Variants in DIP2C observed in about 807,000 individuals in gnomAD.
DIP2C encodes DIP2 acetate--CoA ligase C (putative).
DIP2C carries 33 observed loss-of-function variants against 192.4 expected under a neutral mutation model. The ratio of observed to expected loss-of-function variants is 0.17; its 90% confidence interval spans 0.13 to 0.23. DIP2C has a LOEUF of 0.23. DIP2C is among the 10% of genes least tolerant of loss of function. The pLI is 1.00. For missense variants in DIP2C, 1,537 were observed against 2,110.1 expected, an observed-to-expected ratio of 0.73 and a Z score of 5.32; for synonymous variants, 979 against 864.1, an observed-to-expected ratio of 1.13 and a Z score of -2.33.
intron 2 of DIP2C, among the ~76,000 whole-genome samples, chr10:473,753 T>G (rs1036493502): frequency 2.0e-5 from 3 of 152,254 alleles, no homozygotes; most frequent in African/African-American, 7.2e-5. Context: ...ATCAGTAATA[T>G]CTGATTGAAA....
chr10:633,247 G>A (rs1854629888), intron 1 of DIP2C, among the ~76,000 whole-genome samples: 1 of 152,234 alleles, frequency 6.6e-6, no homozygotes, highest in African/African-American at 2.4e-5. Flanking sequence ...TTACTTCACT[G>A]TTCTCTGTAC....
In DIP2C at chr10:297,909, A is replaced by G. The variant is rs558176199; in HGVS notation, c.3987-9488T>C. Among the ~76,000 whole-genome samples the G allele has an allele frequency of 1.3e-3, 199 of 152,352 alleles. 1 individual carries two copies. The highest frequency in any genetic ancestry group is 6.8e-3 in the Middle Eastern group (2 of 294). On this transcript the variant is annotated intron_variant, in intron 32 of 36. Coordinates refer to ENST00000280886, the MANE Select transcript of DIP2C (RefSeq NM_014974.3). ...AAACATATACCCTATGAGTTGCACA[A>G]TTATGTGTTAATTTTATAAAAAGTT...
At chr10:381,844 A>G (rs995987923) in intron 17 of DIP2C, among the ~76,000 whole-genome samples, 3 of 152,154 alleles carry the variant, frequency 2.0e-5, no homozygotes, top group African/African-American at 4.8e-5. Flanking sequence ...TGCCGTGGAC[A>G]TGCTGCCCCA....
intron 1 of DIP2C, among the ~76,000 whole-genome samples, chr10:505,459 G>A (rs1845531696): frequency 1.3e-5 from 2 of 152,172 alleles, no homozygotes; most frequent in Admixed American, 6.5e-5. Context: ...CCTGCCTGAG[G>A]CTCTCGACTG....
chr10:649,927 ACGGCGT>A (rs1182434168), intron 1 of DIP2C: 5 of 587,444 alleles, frequency 8.5e-6, no homozygotes, highest in Non-Finnish European at 1.5e-5. Context: ...CCCGTGCGTC[ACGGCGT>A]TGCCGCACAC....
At chr10:543,471 C>G (rs191941272) in intron 1 of DIP2C, among the ~76,000 whole-genome samples, 2 of 152,342 alleles carry the variant, frequency 1.3e-5, no homozygotes, top group Non-Finnish European at 2.9e-5. Context: ...TAAAGACCAT[C>G]TGGGTAAGAG....
intron 1 of DIP2C, among the ~76,000 whole-genome samples, chr10:514,996 G>T (rs778654824): frequency 6.6e-6 from 1 of 152,056 alleles, no homozygotes; most frequent in Admixed American, 6.6e-5. Context: ...TTACGTCCAC[G>T]TTCTCATCAG....
chr10:288,877 G>A (rs1290154206), intron 32 of DIP2C, among the ~76,000 whole-genome samples: 1 of 152,208 alleles, frequency 6.6e-6, no homozygotes, highest in African/African-American at 2.4e-5. Flanking sequence ...GCAGCCACAG[G>A]AGCAGAGAGA....
chr10:414,733 G>GTATATATATATA (rs1485973532), intron 7 of DIP2C, among the ~76,000 whole-genome samples: 7 of 58,290 alleles, frequency 1.2e-4, no homozygotes, highest in Admixed American at 2.0e-4. Flanking sequence ...GTGTGTGTGT[G>GTATATATATATA]TGTGTGTACA....
chr10:545,483 T>G (rs2130920681), intron 1 of DIP2C, among the ~76,000 whole-genome samples: 1 of 152,162 alleles, frequency 6.6e-6, no homozygotes, highest in South Asian at 2.1e-4. Flanking sequence ...AATAGAGAAT[T>G]TAGACACACA....
chr10:283,384 G>C lies in DIP2C; in HGVS notation c.4182C>G (p.Leu1394=). Residue 1394 remains leucine (L), a synonymous_variant, in exon 35 of 37, where the codon CTC becomes CTG. Coordinates refer to ENST00000280886, the MANE Select transcript of DIP2C (RefSeq NM_014974.3). Reference sequence around the variant, plus strand: ...GTCTTGAGTTGAAGTGATCTGACTGGAGGGATTCGTCTCCGTAAATAGTGA... The same window carrying C: ...GTCTTGAGTTGAAGTGATCTGACTGCAGGGATTCGTCTCCGTAAATAGTGA... The part of the protein sequence containing the change: ...GYFTIYGDES[L]QSDHFNSRLS... 8 of 1,614,220 alleles carry C rather than the reference G, an allele frequency of 5.0e-6. No homozygotes were observed. Among genetic ancestry groups the C allele is most frequent in the Non-Finnish European group, 6.8e-6 (8 of 1,180,044 alleles).
chr10:683,721 G>A (rs1190055527), intron 1 of DIP2C, among the ~76,000 whole-genome samples: 3 of 152,192 alleles, frequency 2.0e-5, no homozygotes, highest in Non-Finnish European at 4.4e-5. Flanking sequence ...GGGGCCCTGG[G>A]CTGGTGACTC....
intron 32 of DIP2C, among the ~76,000 whole-genome samples, chr10:306,395 CGTCT>C (rs1956321718): frequency 6.6e-6 from 1 of 152,098 alleles, no homozygotes; most frequent in African/African-American, 2.4e-5. Flanking sequence ...CTCTGTAGGC[CGTCT>C]TTCTTGTGCG....
intron 32 of DIP2C, among the ~76,000 whole-genome samples, chr10:296,576 GAC>G (rs925193397): frequency 5.8e-4 from 88 of 152,174 alleles, no homozygotes; most frequent in African/African-American, 1.8e-3. Context: ...CTGCTATAAA[GAC>G]ACATCCACAC....
At chr10:304,565 A>G (rs1035202825) in intron 32 of DIP2C, among the ~76,000 whole-genome samples, 2 of 151,408 alleles carry the variant, frequency 1.3e-5, no homozygotes, top group African/African-American at 4.8e-5. Flanking sequence ...GCACACACAC[A>G]CACACACACT....
At position 650,214 on chromosome 10, in the gene DIP2C, G is replaced by C. The variant is rs376211649; in HGVS notation, c.85+39280C>G. The C allele has an allele frequency of 1.1e-3, 766 of 717,350 alleles. 10 individuals are homozygous for C. The highest frequency in any genetic ancestry group is 5.0e-3 in the South Asian group (341 of 67,570). The allele number at this position is 717,350 out of a possible 1,614,324, so 44.4% of individuals were successfully genotyped here. A position where few individuals can be genotyped will look rare whatever the true frequency, so the allele number is the denominator to read the frequency against. On this transcript the variant is annotated intron_variant, in intron 1 of 36. Coordinates refer to ENST00000280886, the MANE Select transcript of DIP2C (RefSeq NM_014974.3). ...GTGGGTGGTGCTGGGGAGGCCACAC[G>C]GGGAGGGCTGTTCCCTGTTCCCTTC... is the stretch of plus-strand genomic sequence containing the variant.
intron 28 of DIP2C, among the ~76,000 whole-genome samples, chr10:342,204 G>A (rs2132566491): frequency 6.6e-6 from 1 of 151,972 alleles, no homozygotes; most frequent in East Asian, 1.9e-4. Context: ...TGTCGCCCAG[G>A]CTGGAGTGCA....
Position 399,215 on chromosome 10 carries a change from G to A in DIP2C, c.1154C>T (p.Ala385Val). The A allele has an allele frequency of 6.2e-7, 1 of 1,613,970 alleles. No homozygotes were observed. Among genetic ancestry groups the A allele is most frequent in the Non-Finnish European group, 8.5e-7 (1 of 1,179,958 alleles). The stretch of plus-strand genomic sequence containing the variant: ...CGGATCATTGTTGGGGAACACCAGT[G>A]CCACCTGTGGGACAGGCCAGAGCGG... ...EPMVRPGDRV[A>V]LVFPNNDPAA... The change falls in exon 10 of 37, where the codon GCA (alanine) becomes GTA (valine). Residue 385 changes from alanine to valine, a missense_variant. Physicochemically the swap from Ala to Val is moderately conservative, Grantham distance 64. Coordinates refer to ENST00000280886, the MANE Select transcript of DIP2C (RefSeq NM_014974.3).
chr10:504,846 T>C (rs752917379), intron 1 of DIP2C, among the ~76,000 whole-genome samples: 4 of 152,222 alleles, frequency 2.6e-5, no homozygotes, highest in Middle Eastern at 3.2e-3. Flanking sequence ...TTTCATTGCA[T>C]GTCAAACCCT....
Sources: allele counts gnomAD v4.1 joint callset (sites outside exome capture counted in the v4.1 genomes callset), GRCh38; gene constraint gnomAD v4.1.1; transcripts MANE v1.5; gene names NCBI Gene and HGNC (gene_info 2026-07-23, HGNC 2026-07-21).